Variants in MUC6 observed in about 807,000 individuals in gnomAD.
The protein encoded by MUC6 is mucin-6.
MUC6 carries 188 observed loss-of-function variants against 201.5 expected under a neutral mutation model. The ratio of observed to expected loss-of-function variants is 0.93; its 90% CI spans 0.83 to 1.05. The LOEUF is 1.05. Among genes scored for constraint, MUC6 ranks in the 50% least tolerant of loss-of-function variants. The pLI, the probability that MUC6 is intolerant of heterozygous loss-of-function variation, is 0.00. For synonymous variants in MUC6, 1,228 were observed against 1,389.4 expected (o/e 0.88, Z 2.58); for missense variants, 2,706 against 3,256.9 (o/e 0.83, Z 4.12).
In MUC6 at chr11:1,016,106, G is replaced by C; in HGVS notation, c.6695C>G (p.Thr2232Ser). The C allele has an allele frequency of 2.5e-6, 4 of 1,613,470 alleles. No individual in the cohort carries two copies. The South Asian group carries it at 3.3e-5, about 13-fold the overall frequency. The change falls in exon 31 of 33, where the codon ACC (threonine) becomes AGC (serine). Residue 2232 changes from threonine to serine, a missense_variant. This residue lies in a region of MUC6 where 586 missense variants were observed against 488.0 expected (regional missense o/e 1.20). Transcript: ENST00000421673. ...LSALLPISTV[T>S]VSPTPSSHLA... ...GTGGCTGGATGGGGTGGGAGACACG[G>C]TAACAGTGGATATGGGGAGTAGAGC... is the stretch of plus-strand genomic sequence containing the variant.
At chr11:1,015,693 G>A (rs1313513939) in intron 31 of MUC6, 69 bp downstream of exon 31, 2 of 1,498,242 alleles carry the variant, frequency 1.3e-6, no homozygotes, top group African/African-American at 2.8e-5. Flanking sequence ...GTAAGCTGAG[G>A]CAGGGGCTGC....
At chr11:1,019,534 G>C (rs1296962471) in intron 29 of MUC6, 38 bp from the exon 30 acceptor site, 1 of 1,573,568 alleles carries the variant, frequency 6.4e-7, no homozygotes, top group Non-Finnish European at 8.7e-7. Flanking sequence ...CCCTTGCTGT[G>C]GGCCTGCATT....
chr11:1,019,375 C>A lies in MUC6; in HGVS notation c.3930G>T (p.Ala1310=), dbSNP rs9704308. ...ACGTCGTGGCTGGGCTGGCGGTCGA[C>A]GCCGTGGCCCTGGTTGTGGCCTGGG... is the stretch of plus-strand genomic sequence containing the variant. ...TVTQATTRAT[A]STASPATTST... The change falls in exon 30 of 33, where the codon GCG becomes GCT. Residue 1310 remains alanine (A), a synonymous_variant. Transcript: ENST00000421673. 6.2e-7 allele frequency: 1 copy of A among 1,613,926 alleles called. No homozygotes were observed. Among genetic ancestry groups the A allele is most frequent in the Non-Finnish European group, 8.5e-7 (1 of 1,179,876 alleles).
Position 1,029,020 on chromosome 11 carries a change from AGGGATGG to A in MUC6, c.1380+19_1380+25del, listed in dbSNP as rs775422683. The A allele has an allele frequency of 1.1e-5, 17 of 1,612,814 alleles. No individual in the cohort carries two copies. The highest frequency in any genetic ancestry group is 1.6e-4 in the Middle Eastern group (1 of 6,062). On this transcript the variant is annotated intron_variant, in intron 11 of 32. Transcript: ENST00000421673. ...CACCAGGGAGCGGAGCCCTGCTGGC[AGGGATGG>A]GCGCAGGAAAGGCCTTACCTGCCTG...
Position 1,029,524 on chromosome 11 carries a change from C to T in MUC6, c.1107G>A (p.Gly369=). The change falls in exon 9 of 33, where the codon GGG becomes GGA. Residue 369 remains glycine (G), a synonymous_variant. Transcript: ENST00000421673. ...TTTGGCAGGCAGCTATTGTGACCTC[C>T]CCGGGGGCATACATGGCGCCGTGGA... is the stretch of plus-strand genomic sequence containing the variant. ...CVLHGAMYAP[G]EVTIAACQTC... 1.9e-6 allele frequency: 3 copies of T among 1,612,500 alleles called. No individual in the cohort carries two copies. The highest frequency in any genetic ancestry group is 2.2e-5 in the East Asian group (1 of 44,866).
intron 29 of MUC6, 106 bp from the exon 30 acceptor site, chr11:1,019,602 G>C: frequency 9.7e-7 from 1 of 1,034,458 alleles, no homozygotes; most frequent in East Asian, 2.4e-5. Flanking sequence ...CCTGCTGTCC[G>C]GGACTCAGCC....
rs1378874205 is a variant in MUC6, at chr11:1,027,153, G to A, written c.2272C>T (p.Gln758Ter). ...CTGCTGTACGTACCCAGGAACATCT[G>A]TGGCCGCTGCGGGCAACTCAGCCGC... ...NGRLSCPQRP[Q>*]MFLASCQAPK... The change falls in exon 18 of 33, where the codon CAG (glutamine) becomes TAG (stop). Residue 758 changes from glutamine to a stop codon, truncating the protein, a stop_gained. Transcript: ENST00000421673. LOFTEE classifies it high-confidence loss of function. The A allele has an allele frequency of 5.0e-6, 8 of 1,612,532 alleles. No individual in the cohort carries two copies. The highest frequency in any genetic ancestry group is 6.8e-6 in the Non-Finnish European group (8 of 1,179,810).
Position 1,031,970 on chromosome 11 carries a change from A to G in MUC6, c.199T>C (p.Cys67Arg). Residue 67 changes from cysteine to arginine, a missense_variant, in exon 3 of 33, where the codon TGC (cysteine) becomes CGC (arginine). This residue lies in a region of MUC6 where 1,850 missense variants were observed against 1,958.3 expected (regional missense o/e 0.94). Coordinates refer to ENST00000421673, the MANE Select transcript of MUC6 (RefSeq NM_005961.3). ...DHHVYDFSGTCNYIFAATCKD... is the reference protein window; with the variant it reads ...DHHVYDFSGTRNYIFAATCKD... ...CAGGTGGCCGCGAAGATGTAGTTGC[A>G]CGTCCCCGAGAAGTCGTACACGTGG... 3.1e-6 allele frequency: 5 copies of G among 1,613,540 alleles called. No homozygotes were observed. The highest frequency in any genetic ancestry group is 2.5e-6 in the Non-Finnish European group (3 of 1,179,848).
chr11:1,028,427 T>C lies in MUC6; in HGVS notation c.1592-40A>G, dbSNP rs758578624. On this transcript the variant is annotated intron_variant, in intron 13 of 32. Coordinates refer to ENST00000421673, the MANE Select transcript of MUC6 (RefSeq NM_005961.3). ...CGTGAGCTCGACTTGAACCCATCCC[T>C]CCTGCACCCATTCCTGCCCACACGC... 2.7e-5 allele frequency: 43 copies of C among 1,600,624 alleles called. No homozygotes were observed. The East Asian group carries it at 9.0e-4, about 33-fold the overall frequency.
chr11:1,018,914 G>A, intron 30 of MUC6, 144 bp from the exon 31 acceptor site: 1 of 1,106,708 alleles, frequency 9.0e-7, no homozygotes, highest in Non-Finnish European at 1.3e-6. Flanking sequence ...GGGCACTCCA[G>A]CCTGCCCCAT....
rs1428095602 is a variant in MUC6 at position 1,015,803 on chromosome 11, G to C, written c.6998C>G (p.Ala2333Gly). 3.2e-6 allele frequency: 5 copies of C among 1,557,656 alleles called. No individual in the cohort carries two copies. Among genetic ancestry groups the C allele is most frequent in the Non-Finnish European group, 4.3e-6 (5 of 1,150,210 alleles). ...LTAHGSTPAS[A>G]PVSSLGTPTP... ...AGGTGTCCCGAGAGAAGATACCGGGGCAGAAGCAGGGGTGCTTCCATGGGC... is the reference window on the plus strand; with the variant it reads ...AGGTGTCCCGAGAGAAGATACCGGGCCAGAAGCAGGGGTGCTTCCATGGGC... The change falls in exon 31 of 33, where the codon GCC (alanine) becomes GGC (glycine). Residue 2333 changes from alanine (A) to glycine (G), a missense_variant. By Grantham distance (60) the Ala-to-Gly change is moderately conservative (BLOSUM62 0). Coordinates refer to ENST00000421673, the MANE Select transcript of MUC6 (RefSeq NM_005961.3).
chr11:1,017,051 G>T lies in MUC6; in HGVS notation c.5750C>A (p.Ser1917Tyr), dbSNP rs1431562710. ...TGTTGAGGAAGTGTGGTAAGGTAGGGATGTAGAAGTTTTGGCCGTGCTAAA... is the reference window on the plus strand; with the variant it reads ...TGTTGAGGAAGTGTGGTAAGGTAGGTATGTAGAAGTTTTGGCCGTGCTAAA... ...SSFSTAKTST[S>Y]LPYHTSSTHH... Residue 1917 changes from serine (S) to tyrosine (Y), a missense_variant, in exon 31 of 33, where the codon TCC becomes TAC. Physicochemically the swap from Ser to Tyr is moderately radical, Grantham distance 144 (BLOSUM62 -2). Coordinates refer to ENST00000421673, the MANE Select transcript of MUC6 (RefSeq NM_005961.3). 1.2e-6 allele frequency: 2 copies of T among 1,613,596 alleles called. No homozygotes were observed. Among genetic ancestry groups the T allele is most frequent in the Non-Finnish European group, 1.7e-6 (2 of 1,179,446 alleles).
chr11:1,031,896 G>A lies in MUC6; in HGVS notation c.273C>T (p.Asp91=), dbSNP rs962994758. 10 of 1,613,050 alleles carry A rather than the reference G, an allele frequency of 6.2e-6. No homozygotes were observed. The highest frequency in any genetic ancestry group is 4.0e-5 in the African/African-American group (3 of 74,926). The change falls in exon 3 of 33, where the codon GAC becomes GAT. Residue 91 remains aspartate (D), a synonymous_variant. Transcript: ENST00000421673. ...TFSVQLRRGP[D]GSISRIIVEL... ...CCACGATGATCCGCGAGATGCTCCC[G>A]TCTGGGCCTCGCCGCAGCTGGACAC...
Position 1,019,331 on chromosome 11 carries a change from G to C in MUC6, c.3974C>G (p.Thr1325Arg), listed in dbSNP as rs150915397. 2.5e-4 allele frequency: 398 copies of C among 1,614,044 alleles called. 6 individuals carry two copies. Among genetic ancestry groups the C allele is most frequent in the South Asian group, 2.3e-3 (207 of 91,086 alleles). The part of the protein sequence containing the change: ...PATTSTAQST[T>R]RTTMTLPTPA... ...GGTTGGTAGTGTCATTGTGGTCCGT[G>C]TTGTGGACTGAGCTGTGGACGTCGT... The change falls in exon 30 of 33, where the codon ACA becomes AGA. Residue 1325 changes from threonine to arginine, a missense_variant. By Grantham distance (71) the Thr-to-Arg change is moderately conservative. Around this residue, in one of 10 missense-constraint regions of MUC6, gnomAD observed 1,850 missense variants for 1,958.3 expected, o/e 0.94. Coordinates refer to ENST00000421673, the MANE Select transcript of MUC6 (RefSeq NM_005961.3).
Position 1,033,944 on chromosome 11 carries a change from A to G in MUC6, c.53-869T>C, listed in dbSNP as rs1321719823. ...CTGCCCATTGGTTAGCAGGGCACTC[A>G]CAGCACCTCCTTCCAGATGTAGCTC... On this transcript the variant is annotated intron_variant, in intron 1 of 32. Coordinates refer to ENST00000421673, the MANE Select transcript of MUC6 (RefSeq NM_005961.3). The surrounding 1 kb of genome is among the most constrained non-coding windows in gnomAD (Gnocchi z 5.6). Among the ~76,000 whole-genome samples the G allele has an allele frequency of 3.3e-5, 5 of 151,982 alleles. No homozygotes were observed. In the East Asian group the frequency reaches 7.8e-4, roughly 24 times the overall value.
At position 1,026,936 on chromosome 11, in the gene MUC6, C is replaced by G. The variant is rs759380618; in HGVS notation, c.2394+5G>C. 3 of 1,576,714 alleles carry G rather than the reference C, an allele frequency of 1.9e-6. No individual in the cohort carries two copies. ...ATTGTCCCTGCTCCTCGCGCGCCCC[C>G]TTACGCAGGCAACACCGGTGGCCAG... On this transcript the variant is annotated splice_donor_5th_base_variant and intron_variant, in intron 19 of 32. Coordinates refer to ENST00000421673, the MANE Select transcript of MUC6 (RefSeq NM_005961.3).
intron 22 of MUC6, 98 bp from the exon 23 acceptor site, chr11:1,025,465 C>T: frequency 7.1e-7 from 1 of 1,408,680 alleles, no homozygotes; most frequent in Non-Finnish European, 9.7e-7. Flanking sequence ...CTGCCCAGGT[C>T]TGTTAAGGCC....
chr11:1,030,994 A>G lies in MUC6; in HGVS notation c.637T>C (p.Cys213Arg). ...LQKLDDPGEI[C>R]TFQDIPSTHV... Reference sequence around the variant, plus strand: ...GTGCTGGGGATGTCCTGGAAGGTGCAGATCTCGCCGGGGTCGTCCAGCTTC... The same window carrying G: ...GTGCTGGGGATGTCCTGGAAGGTGCGGATCTCGCCGGGGTCGTCCAGCTTC... The change falls in exon 6 of 33, where the codon TGC becomes CGC. Residue 213 changes from cysteine (C) to arginine (R), a missense_variant. Cys to Arg is a radical substitution (Grantham distance 180). Transcript: ENST00000421673. 6.3e-7 allele frequency: 1 copy of G among 1,585,856 alleles called. No homozygotes were observed. The highest frequency in any genetic ancestry group is 8.6e-7 in the Non-Finnish European group (1 of 1,167,448).
intron 31 of MUC6, among the ~76,000 whole-genome samples, chr11:1,014,401 C>T (rs911167053): frequency 9.9e-5 from 15 of 152,172 alleles, no homozygotes; most frequent in African/African-American, 7.2e-5. Flanking sequence ...CCGAGGACAC[C>T]GTGCCAGTGA....
Sources: allele counts gnomAD v4.1 joint callset (sites outside exome capture counted in the v4.1 genomes callset), GRCh38; gene constraint gnomAD v4.1.1; regional missense constraint gnomAD v4.1.1; non-coding constraint Gnocchi (gnomAD v3.1); transcripts MANE v1.5; gene names NCBI Gene and HGNC (gene_info 2026-07-23, HGNC 2026-07-21).